Variants in SLIT3 observed in about 807,000 individuals in gnomAD.
The protein encoded by SLIT3 is slit homolog 3 protein.
Under a neutral mutation model 184.0 loss-of-function variants are expected in SLIT3, and 68 were observed. The observed-to-expected ratio is 0.37, with a 90% CI of 0.30 to 0.45. The LOEUF (loss-of-function observed/expected upper bound fraction) is 0.45. Ranked by LOEUF, SLIT3 falls within the 20% of genes least tolerant of loss-of-function variation. The probability of loss-of-function intolerance (pLI) is 1.00; values close to 1 mark genes in which losing one functional copy is unlikely to be tolerated. For synonymous variants in SLIT3, 831 were observed against 828.6 expected (o/e 1.00, Z -0.05); for missense variants, 1,707 against 2,026.0 (o/e 0.84, Z 3.02).
chr5:168,751,903 G>A (rs1754729903), intron 18 of SLIT3, among the ~76,000 whole-genome samples: 1 of 152,012 alleles, frequency 6.6e-6, no homozygotes, highest in African/African-American at 2.4e-5. Context: ...ACCACGCCCA[G>A]GCAATTTTTG....
chr5:169,231,182 T>C (rs1764988552), intron 3 of SLIT3, among the ~76,000 whole-genome samples: 2 of 152,230 alleles, frequency 1.3e-5, no homozygotes, highest in Admixed American at 1.3e-4. Flanking sequence ...TTGGTTGTTA[T>C]ATCTGTCTCT....
At chr5:169,292,456 A>G (rs1767388575) in intron 1 of SLIT3, among the ~76,000 whole-genome samples, 1 of 152,240 alleles carries the variant, frequency 6.6e-6, no homozygotes, top group Non-Finnish European at 1.5e-5. Context: ...CAGAGAAAAT[A>G]TGAACCAACA....
At chr5:168,794,674 A>G (rs931707212) in intron 10 of SLIT3, among the ~76,000 whole-genome samples, 2 of 152,186 alleles carry the variant, frequency 1.3e-5, no homozygotes, top group African/African-American at 4.8e-5. Flanking sequence ...ATGCAGGAAG[A>G]ACAGAAAGTC....
At chr5:168,993,726 A>C (rs913555804) in intron 4 of SLIT3, among the ~76,000 whole-genome samples, 1 of 151,904 alleles carries the variant, frequency 6.6e-6, no homozygotes, top group Non-Finnish European at 1.5e-5. Context: ...GAAACAAGAC[A>C]CAAAGTGAAG....
At chr5:168,725,350 C>G (rs1331661364) in intron 20 of SLIT3, among the ~76,000 whole-genome samples, 4 of 152,228 alleles carry the variant, frequency 2.6e-5, no homozygotes, top group East Asian at 3.8e-4. Context: ...TTATTCCTAC[C>G]TATAAATAAA....
intron 4 of SLIT3, among the ~76,000 whole-genome samples, chr5:169,014,292 C>T (rs1447918616): frequency 6.6e-6 from 1 of 152,166 alleles, no homozygotes; most frequent in Non-Finnish European, 1.5e-5. Context: ...TATTCTCTCT[C>T]TCCAGCTATA....
chr5:168,947,617 A>C (rs1020639006), intron 4 of SLIT3, among the ~76,000 whole-genome samples: 4 of 152,140 alleles, frequency 2.6e-5, no homozygotes, highest in African/African-American at 9.7e-5. Flanking sequence ...CAGGGCTGCC[A>C]GTGTGAAAAG....
At chr5:168,937,591 G>A (rs564759745) in intron 4 of SLIT3, among the ~76,000 whole-genome samples, 3 of 152,200 alleles carry the variant, frequency 2.0e-5, no homozygotes, top group African/African-American at 7.2e-5. Flanking sequence ...GGCCTTGTGC[G>A]GCGGAACGGG....
At chr5:169,259,204 T>G (rs1481066995) in intron 1 of SLIT3, among the ~76,000 whole-genome samples, 1 of 152,072 alleles carries the variant, frequency 6.6e-6, no homozygotes, top group Admixed American at 6.5e-5. Flanking sequence ...GGATTACAGG[T>G]GCCATCACCA....
At chr5:168,958,418 C>T (rs1404818023) in intron 4 of SLIT3, among the ~76,000 whole-genome samples, 1 of 152,190 alleles carries the variant, frequency 6.6e-6, no homozygotes, top group Non-Finnish European at 1.5e-5. Flanking sequence ...AGCCACTGTC[C>T]TCCAGGTTTT....
At chr5:168,789,449 TA>T in intron 11 of SLIT3, 110 bp downstream of exon 11, 3 of 760,998 alleles carry the variant, frequency 3.9e-6, no homozygotes, top group South Asian at 1.7e-5. Context: ...CACAAGTGTG[TA>T]AGGGAACATA....
rs373303797 is a variant in SLIT3 at position 169,156,845 on chromosome 5, G to T, written c.413+36634C>A. ...GCATTATACAAAACAAACACCAGAA[G>T]ACTCTCAGAGGCAGGAGAGCAGAAG... is the stretch of plus-strand genomic sequence containing the variant. On this transcript the variant is annotated intron_variant, in intron 4 of 35. Coordinates refer to ENST00000519560, the MANE Select transcript of SLIT3 (RefSeq NM_003062.4). 8.5e-5 allele frequency among the ~76,000 whole-genome samples: 13 copies of T among 152,306 alleles called. No homozygotes were observed. The East Asian group carries it at 2.3e-3, about 27-fold the overall frequency.
rs111230995 is a variant in SLIT3 at position 168,998,786 on chromosome 5, C to T, written c.414-115450G>A. Among the ~76,000 whole-genome samples, 105 of 151,972 alleles carry T rather than the reference C, an allele frequency of 6.9e-4. 2 individuals carry two copies. The highest frequency in any genetic ancestry group is 2.4e-3 in the African/African-American group (100 of 41,456). ...AAAGATGTGTCCTCAAAGTGTGGTC[C>T]CCAGACCAGCAGCATCACTGTCACC... is the stretch of plus-strand genomic sequence containing the variant. On this transcript the variant is annotated intron_variant, in intron 4 of 35. Coordinates refer to ENST00000519560, the MANE Select transcript of SLIT3 (RefSeq NM_003062.4).
chr5:169,199,863 G>A (rs2077337), intron 3 of SLIT3, among the ~76,000 whole-genome samples: 6,094 of 152,234 alleles, frequency 0.04, 162 homozygotes, highest in South Asian at 0.12. Flanking sequence ...AGTCCTTTGC[G>A]TCCCAACAGT....
intron 8 of SLIT3, among the ~76,000 whole-genome samples, chr5:168,814,069 T>C (rs974070755): frequency 6.6e-6 from 1 of 152,122 alleles, no homozygotes; most frequent in Admixed American, 6.5e-5. Context: ...GTGAATAGCT[T>C]GAATGAGGGG....
intron 4 of SLIT3, among the ~76,000 whole-genome samples, chr5:169,004,672 C>T (rs781337885): frequency 2.4e-4 from 37 of 152,012 alleles, no homozygotes; most frequent in Non-Finnish European, 5.3e-4. Flanking sequence ...TGTTTGAAAG[C>T]CTAACCACCA....
chr5:168,891,395 G>A (rs561798512), intron 4 of SLIT3, among the ~76,000 whole-genome samples: 1 of 152,312 alleles, frequency 6.6e-6, no homozygotes, highest in East Asian at 1.9e-4. Context: ...CCTCCCCTGG[G>A]AGCCAGAGAC....
At chr5:168,941,699 G>A (rs1182613645) in intron 4 of SLIT3, among the ~76,000 whole-genome samples, 3 of 152,142 alleles carry the variant, frequency 2.0e-5, no homozygotes, top group South Asian at 4.2e-4. Flanking sequence ...CATGATAAAA[G>A]GCTCATCGAA....
At chr5:168,749,279 T>C (rs1754612456) in intron 19 of SLIT3, among the ~76,000 whole-genome samples, 193 bp downstream of exon 19, 1 of 152,262 alleles carries the variant, frequency 6.6e-6, no homozygotes, top group South Asian at 2.1e-4. Flanking sequence ...ACTGCTGAAA[T>C]GGGCACCTTT....
Sources: gnomAD v4.1 joint callset for allele counts (sites outside exome capture counted in the v4.1 genomes callset) on GRCh38, gnomAD v4.1.1 for gene constraint, MANE v1.5 for transcripts, NCBI Gene and HGNC (gene_info 2026-07-23, HGNC 2026-07-21) for gene names.